Variants in PLCB1 observed in about 807,000 individuals in gnomAD.
PLCB1 encodes 1-phosphatidylinositol 4,5-bisphosphate phosphodiesterase beta-1.
Under a neutral mutation model 161.8 loss-of-function variants are expected in PLCB1, and 46 were observed. The observed-to-expected ratio is 0.28, with a 90% CI of 0.22 to 0.36. The LOEUF is 0.36. Ranked by LOEUF, PLCB1 falls within the 10% of genes least tolerant of loss-of-function variation. The pLI is 1.00. For synonymous variants in PLCB1, 517 were observed against 503.7 expected (o/e 1.03, Z -0.35); for missense variants, 1,016 against 1,472.5 (o/e 0.69, Z 5.07).
chr20:8,144,836 G>A (rs1015481361), intron 1 of PLCB1, among the ~76,000 whole-genome samples: 2 of 152,132 alleles, frequency 1.3e-5, no homozygotes, highest in Non-Finnish European at 2.9e-5. Context: ...TACTTTTCCT[G>A]TTGACTCTGT....
intron 4 of PLCB1, among the ~76,000 whole-genome samples, chr20:8,642,222 T>C (rs1198480485): frequency 6.6e-6 from 1 of 152,192 alleles, no homozygotes; most frequent in African/African-American, 2.4e-5. Context: ...TTGACTATGA[T>C]ATAAGATCCA....
chr20:8,485,986 T>TA (rs58892591), intron 3 of PLCB1, among the ~76,000 whole-genome samples: 8,266 of 152,206 alleles, frequency 0.054, 477 homozygotes, highest in African/African-American at 0.14. Context: ...TCAGGAAACT[T>TA]ACAATCGTGG....
intron 31 of PLCB1, among the ~76,000 whole-genome samples, chr20:8,831,974 CTT>C (rs1986032422): frequency 1.2e-5 from 1 of 83,328 alleles, no homozygotes; most frequent in South Asian, 3.9e-4. Context: ...TTCTTTCTTT[CTT>C]TCTTTCCTTC....
intron 31 of PLCB1, among the ~76,000 whole-genome samples, chr20:8,875,503 A>C (rs2146329885): frequency 6.8e-6 from 1 of 147,374 alleles, no homozygotes; most frequent in East Asian, 2.0e-4. Flanking sequence ...ATAACATATA[A>C]AATATTTTTA....
At chr20:8,799,432 T>G (rs2146236611) in intron 31 of PLCB1, among the ~76,000 whole-genome samples, 1 of 152,364 alleles carries the variant, frequency 6.6e-6, no homozygotes, top group Non-Finnish European at 1.5e-5. Context: ...TTTCCACTTC[T>G]ACTTCTGTGT....
chr20:8,300,691 A>G (rs1321267056), intron 2 of PLCB1, among the ~76,000 whole-genome samples: 1 of 152,158 alleles, frequency 6.6e-6, no homozygotes, highest in Non-Finnish European at 1.5e-5. Context: ...ACTATGTACT[A>G]CCCAAACTTG....
chr20:8,843,552 G>C (rs557121792), intron 31 of PLCB1, among the ~76,000 whole-genome samples: 1 of 151,910 alleles, frequency 6.6e-6, no homozygotes, highest in African/African-American at 2.4e-5. Flanking sequence ...TCACTTATTT[G>C]TGTGTTCATT....
At chr20:8,661,132 C>G (rs1021030362) in intron 9 of PLCB1, among the ~76,000 whole-genome samples, 1 of 152,014 alleles carries the variant, frequency 6.6e-6, no homozygotes, top group Admixed American at 6.6e-5. Context: ...CCTCAGGTGT[C>G]GTTGTCCATT....
chr20:8,439,889 T>C (rs945827391), intron 3 of PLCB1, among the ~76,000 whole-genome samples: 12 of 152,194 alleles, frequency 7.9e-5, no homozygotes, highest in Non-Finnish European at 1.6e-4. Flanking sequence ...TCCCTTGCCC[T>C]CTTTTGAAGC....
At chr20:8,726,708 A>C (rs1456831269) in intron 16 of PLCB1, among the ~76,000 whole-genome samples, 1 of 152,110 alleles carries the variant, frequency 6.6e-6, no homozygotes, top group Non-Finnish European at 1.5e-5. Context: ...TTACAATTCA[A>C]GGAGATTTTG....
chr20:8,705,095 G>A (rs1978596014), intron 11 of PLCB1, among the ~76,000 whole-genome samples: 1 of 145,348 alleles, frequency 6.9e-6, no homozygotes, highest in African/African-American at 2.6e-5. Context: ...ATCTCATCCA[G>A]AAACCCCTCA....
At chr20:8,495,055 A>G (rs1983104115) in intron 3 of PLCB1, among the ~76,000 whole-genome samples, 1 of 151,614 alleles carries the variant, frequency 6.6e-6, no homozygotes, top group Non-Finnish European at 1.5e-5. Flanking sequence ...TAAATCTTTT[A>G]TGAAAAAAAA....
In PLCB1 at chr20:8,437,216, A is replaced by G. The variant is rs543903594; in HGVS notation, c.246+65766A>G. ...GTTACATTTTCAAAGAGGAAAATGG[A>G]TAAAAACGTTCCATTACTGAGACAA... On this transcript the variant is annotated intron_variant, in intron 3 of 31. Transcript: ENST00000338037. Among the ~76,000 whole-genome samples the G allele has an allele frequency of 4.6e-5, 7 of 152,338 alleles. No individual in the cohort carries two copies. The East Asian group carries it at 1.3e-3, about 29-fold the overall frequency.
chr20:8,360,998 A>C (rs1986521412), intron 2 of PLCB1, among the ~76,000 whole-genome samples: 1 of 152,232 alleles, frequency 6.6e-6, no homozygotes, highest in Admixed American at 6.5e-5. Context: ...TCTATACTTC[A>C]GAAAATATGG....
chr20:8,558,255 C>T lies in PLCB1; in HGVS notation c.247-70039C>T, dbSNP rs139636983. 4.4e-3 allele frequency among the ~76,000 whole-genome samples: 671 copies of T among 151,810 alleles called. 8 individuals are homozygous for T. The highest frequency in any genetic ancestry group is 0.014 in the African/African-American group (585 of 41,452). ...TGATGTGATTATTATGCATTGCATG[C>T]CTGTATCAAAATATCTCATATAATA... On this transcript the variant is annotated intron_variant, in intron 3 of 31. Coordinates refer to ENST00000338037, the MANE Select transcript of PLCB1 (RefSeq NM_015192.4).
intron 2 of PLCB1, among the ~76,000 whole-genome samples, chr20:8,230,603 CAT>C (rs1979978554): frequency 6.6e-6 from 1 of 152,086 alleles, no homozygotes; most frequent in Admixed American, 6.5e-5. Flanking sequence ...GTATTAGCCA[CAT>C]GTGTTTATTT....
chr20:8,727,219 T>G, intron 16 of PLCB1, 90 bp from the exon 17 acceptor site: 1 of 625,356 alleles, frequency 1.6e-6, no homozygotes, highest in Non-Finnish European at 2.8e-6. Flanking sequence ...TCACTGAATA[T>G]TTACCCATTT....
chr20:8,483,143 A>G (rs1444534757), intron 3 of PLCB1, among the ~76,000 whole-genome samples: 1 of 152,228 alleles, frequency 6.6e-6, no homozygotes, highest in Admixed American at 6.5e-5. Context: ...TCTATCTAAT[A>G]AACATTAATC....
chr20:8,216,704 G>T (rs1438392768), intron 2 of PLCB1, among the ~76,000 whole-genome samples: 4 of 152,040 alleles, frequency 2.6e-5, no homozygotes, highest in South Asian at 4.1e-4. Flanking sequence ...CATATTTAAA[G>T]ATATCTTATA....
Sources: gnomAD v4.1 joint callset for allele counts (sites outside exome capture counted in the v4.1 genomes callset) on GRCh38, gnomAD v4.1.1 for gene constraint, MANE v1.5 for transcripts, NCBI Gene and HGNC (gene_info 2026-07-23, HGNC 2026-07-21) for gene names.